The following TYW1 variants were observed in gnomAD, a reference collection of about 807,000 sequenced individuals.
The protein encoded by TYW1 is tRNA-yW synthesizing protein 1 homolog.
A neutral mutation model predicts 96.2 loss-of-function variants in TYW1; 46 were observed. The ratio of observed to expected loss-of-function variants is 0.48; its 90% CI spans 0.38 to 0.61. The LOEUF (loss-of-function observed/expected upper bound fraction) is 0.61. Ranked by LOEUF, TYW1 falls within the 20% of genes least tolerant of loss-of-function variation. The pLI is 0.00. For synonymous variants in TYW1, 274 were observed against 323.0 expected (o/e 0.85, Z 1.63); for missense variants, 684 against 909.6 (o/e 0.75, Z 3.19).
At chr7:67,167,917 G>T (rs1584646027) in intron 13 of TYW1, among the ~76,000 whole-genome samples, 2 of 151,624 alleles carry the variant, frequency 1.3e-5, no homozygotes, top group East Asian at 3.9e-4. Flanking sequence ...ACCACGCCCA[G>T]ATCATTTTTG....
chr7:67,206,576 A>C (rs764681248), intron 15 of TYW1, among the ~76,000 whole-genome samples: 56 of 152,026 alleles, frequency 3.7e-4, no homozygotes, highest in Non-Finnish European at 7.1e-4. Flanking sequence ...GGTTGCAGTG[A>C]GCCAAGATCG....
chr7:67,161,531 G>A (rs544763461), intron 13 of TYW1, among the ~76,000 whole-genome samples: 3 of 152,096 alleles, frequency 2.0e-5, no homozygotes, highest in Admixed American at 6.6e-5. Context: ...GTGCTCTAAC[G>A]GGCAGCTAGG....
chr7:67,082,451 G>A (rs1486205417), intron 10 of TYW1, among the ~76,000 whole-genome samples: 2 of 152,182 alleles, frequency 1.3e-5, no homozygotes, highest in Non-Finnish European at 2.9e-5. Context: ...GGGTGTTTGT[G>A]GAGGCAGTGG....
At chr7:67,069,610 A>G (rs1795972042) in intron 10 of TYW1, among the ~76,000 whole-genome samples, 1 of 152,152 alleles carries the variant, frequency 6.6e-6, no homozygotes, top group Non-Finnish European at 1.5e-5. Flanking sequence ...ATGGTGGTGC[A>G]TGTCTGAAGT....
intron 10 of TYW1, among the ~76,000 whole-genome samples, chr7:67,075,856 T>TC (rs1427567289): frequency 5.9e-5 from 9 of 152,326 alleles, no homozygotes; most frequent in African/African-American, 2.2e-4. Context: ...GAGACTTTCC[T>TC]CCCCATCTAA....
intron 13 of TYW1, among the ~76,000 whole-genome samples, chr7:67,180,295 G>A (rs1486751578): frequency 7.8e-6 from 1 of 128,086 alleles, no homozygotes; most frequent in Admixed American, 8.0e-5. Context: ...TAAGAACAGA[G>A]AGGTAATGAT....
intron 13 of TYW1, among the ~76,000 whole-genome samples, chr7:67,149,971 G>A (rs1349866795): frequency 2.0e-5 from 3 of 151,864 alleles, no homozygotes; most frequent in Non-Finnish European, 2.9e-5. Context: ...TCACCAGAAA[G>A]CACATTTCCC....
chr7:67,042,872 C>T (rs921354561), intron 7 of TYW1, among the ~76,000 whole-genome samples: 1 of 151,942 alleles, frequency 6.6e-6, no homozygotes, highest in Non-Finnish European at 1.5e-5. Context: ...TGGCACACGC[C>T]TGTAATCCCA....
At chr7:66,997,077 T>C in intron 1 of TYW1, 95 bp downstream of exon 1, 3 of 1,589,896 alleles carry the variant, frequency 1.9e-6, no homozygotes, top group Non-Finnish European at 2.6e-6. Flanking sequence ...CTCGGTCCCT[T>C]TCCTTCGGAG....
intron 13 of TYW1, among the ~76,000 whole-genome samples, chr7:67,164,435 C>G (rs2116232363): frequency 6.8e-6 from 1 of 147,712 alleles, no homozygotes; most frequent in Admixed American, 6.8e-5. Context: ...CATAGCGAAA[C>G]ATCTCTACTA....
chr7:67,171,685 A>G (rs1431110751), intron 13 of TYW1, among the ~76,000 whole-genome samples: 36 of 152,150 alleles, frequency 2.4e-4, no homozygotes, highest in Admixed American at 2.4e-3. Flanking sequence ...TATACTAGTT[A>G]AGAATTGTTA....
chr7:67,230,685 C>T (rs1473774646), intron 15 of TYW1, among the ~76,000 whole-genome samples: 2 of 128,736 alleles, frequency 1.6e-5, no homozygotes. Context: ...CGGAGTCTTG[C>T]TCTGTCCCCC....
chr7:67,082,820 A>G (rs1796428730), intron 10 of TYW1, among the ~76,000 whole-genome samples: 1 of 151,992 alleles, frequency 6.6e-6, no homozygotes, highest in South Asian at 2.1e-4. Flanking sequence ...AGCTTGGGTT[A>G]TGGCATTGTA....
At chr7:67,193,408 C>T (rs1245086407) in intron 14 of TYW1, among the ~76,000 whole-genome samples, 2 of 152,144 alleles carry the variant, frequency 1.3e-5, no homozygotes, top group Non-Finnish European at 1.5e-5. Flanking sequence ...GAGTCTTCAT[C>T]CAAGTCCCAG....
chr7:67,029,413 G>GTATA (rs1430069945), intron 7 of TYW1, among the ~76,000 whole-genome samples: 18 of 93,456 alleles, frequency 1.9e-4, no homozygotes, highest in African/African-American at 2.7e-4. Flanking sequence ...GTGTGTGTGT[G>GTATA]TGTATATATA....
intron 14 of TYW1, among the ~76,000 whole-genome samples, chr7:67,192,512 A>G (rs1196809932): frequency 2.0e-5 from 3 of 152,228 alleles, no homozygotes; most frequent in Non-Finnish European, 2.9e-5. Flanking sequence ...TGTTTGTGTA[A>G]TCCACACATA....
At chr7:67,182,124 C>T (rs1002083117) in intron 13 of TYW1, among the ~76,000 whole-genome samples, 11 of 152,320 alleles carry the variant, frequency 7.2e-5, no homozygotes, top group East Asian at 5.8e-4. Context: ...CCACCACACC[C>T]GGCCTTAAGC....
intron 15 of TYW1, among the ~76,000 whole-genome samples, chr7:67,200,831 T>C (rs552293209): frequency 4.1e-4 from 62 of 152,226 alleles, no homozygotes; most frequent in Non-Finnish European, 6.6e-4. Flanking sequence ...TCTTAAATGA[T>C]GGCTGAAGTA....
chr7:67,148,365 A>G (rs1798674275), intron 13 of TYW1, among the ~76,000 whole-genome samples: 1 of 151,578 alleles, frequency 6.6e-6, no homozygotes, highest in Non-Finnish European at 1.5e-5. Context: ...AAAAAAATTA[A>G]CATGAGTCCG....
Sources: gnomAD v4.1 joint callset for allele counts (sites outside exome capture counted in the v4.1 genomes callset) on GRCh38, gnomAD v4.1.1 for gene constraint, MANE v1.5 for transcripts, NCBI Gene and HGNC (gene_info 2026-07-23, HGNC 2026-07-21) for gene names.